The following SLCO3A1 variants were observed in gnomAD, a reference collection of about 807,000 sequenced individuals.
SLCO3A1 encodes the protein solute carrier organic anion transporter family member 3A1, also known as PGE1 transporter.
A neutral mutation model predicts 63.1 loss-of-function variants in SLCO3A1; 27 were observed. That is an observed-to-expected ratio of 0.43 (90% confidence interval 0.32 to 0.59). The LOEUF is 0.59. Ranked by LOEUF, SLCO3A1 falls within the 20% of genes least tolerant of loss-of-function variation. SLCO3A1 has a pLI of 0.09. For missense variants in SLCO3A1, 773 were observed against 945.8 expected (o/e 0.82, Z 2.40); for synonymous variants, 473 against 409.9 (o/e 1.15, Z -1.86).
chr15:92,131,515 C>T (rs911942888), intron 7 of SLCO3A1, among the ~76,000 whole-genome samples: 10 of 140,640 alleles, frequency 7.1e-5, no homozygotes, highest in African/African-American at 2.6e-4. Context: ...TAGGCAAACA[C>T]CACCACACCC....
chr15:92,099,419 C>T (rs910433360), intron 3 of SLCO3A1, among the ~76,000 whole-genome samples: 9 of 150,154 alleles, frequency 6.0e-5, no homozygotes, highest in African/African-American at 2.0e-4. Flanking sequence ...AGTTTGGCAA[C>T]ATAGGTTAAA....
chr15:91,880,126 C>T (rs1013858014), intron 1 of SLCO3A1, among the ~76,000 whole-genome samples: 2 of 115,348 alleles, frequency 1.7e-5, no homozygotes, highest in Admixed American at 8.4e-5. Context: ...TCCGTCCGTC[C>T]GTCCGTCCAT....
At chr15:92,087,784 G>T (rs1449535082) in intron 2 of SLCO3A1, among the ~76,000 whole-genome samples, 1 of 152,082 alleles carries the variant, frequency 6.6e-6, no homozygotes, top group Non-Finnish European at 1.5e-5. Context: ...CTCCCAAAGT[G>T]CTGGGATTAG....
At chr15:92,065,953 C>T (rs1178910781) in intron 2 of SLCO3A1, among the ~76,000 whole-genome samples, 1 of 152,210 alleles carries the variant, frequency 6.6e-6, no homozygotes, top group Non-Finnish European at 1.5e-5. Context: ...GGCTCAGAGG[C>T]CAGGAAGCTC....
intron 2 of SLCO3A1, among the ~76,000 whole-genome samples, chr15:91,998,679 A>G (rs961253063): frequency 2.6e-5 from 4 of 152,234 alleles, no homozygotes; most frequent in African/African-American, 9.6e-5. Context: ...GAATGCTTAT[A>G]CACTGTTGCT....
chr15:92,162,013 G>A (rs1355151253), intron 9 of SLCO3A1: 1 of 151,698 alleles, frequency 6.6e-6, no homozygotes, highest in Non-Finnish European at 1.5e-5. Flanking sequence ...AACTAAGAAT[G>A]TTTCTCTTCA....
chr15:92,112,241 C>T (rs369766255), intron 4 of SLCO3A1, among the ~76,000 whole-genome samples: 5 of 152,208 alleles, frequency 3.3e-5, no homozygotes, highest in South Asian at 2.1e-4. Context: ...GGGAGCTAGA[C>T]GTCTGGTTTT....
Position 91,853,876 on chromosome 15 carries a change from AGCG to A in SLCO3A1, c.-10_-8del, listed in dbSNP as rs368016879. ...CACCCGGGGCGAGCGGGAAAGCGGC[AGCG>A]GCGGCGGCGGCGGCGGCGGCGGGGG... On this transcript the variant is annotated 5_prime_UTR_variant, in exon 1 of 10. Coordinates refer to ENST00000318445, the MANE Select transcript of SLCO3A1 (RefSeq NM_013272.4). 0.24 allele frequency: 299,353 copies of A among 1,261,436 alleles called. 33,666 individuals are homozygous for A. Among genetic ancestry groups the A allele is most frequent in the African/African-American group, 0.39 (23,762 of 60,908 alleles). 78.1% of individuals were successfully genotyped at this position (1,261,436 alleles called of 1,614,324 possible).
chr15:91,925,005 A>G (rs187105301), intron 2 of SLCO3A1, among the ~76,000 whole-genome samples: 1 of 152,222 alleles, frequency 6.6e-6, no homozygotes, highest in African/African-American at 2.4e-5. Flanking sequence ...GTGAAAGTCC[A>G]TGTGAGGGAA....
chr15:92,047,589 ATAT>A (rs1301016507), intron 2 of SLCO3A1, among the ~76,000 whole-genome samples: 425 of 9,156 alleles, frequency 0.046, 38 homozygotes, highest in Admixed American at 0.069. Flanking sequence ...TATAATATAT[ATAT>A]AATATATAAT....
At chr15:91,964,567 A>G (rs1326448282) in intron 2 of SLCO3A1, among the ~76,000 whole-genome samples, 1 of 151,984 alleles carries the variant, frequency 6.6e-6, no homozygotes, top group Non-Finnish European at 1.5e-5. Flanking sequence ...TGTCGGCATC[A>G]AGCAGGAGGA....
At position 91,916,038 on chromosome 15, in the gene SLCO3A1, G is replaced by T. The variant is rs1898643855; in HGVS notation, c.226G>T (p.Ala76Ser). Residue 76 changes from alanine to serine, a missense_variant, in exon 2 of 10, where the codon GCT becomes TCT. Physicochemically the swap from Ala to Ser is moderately conservative, Grantham distance 99. This residue lies in a region of SLCO3A1 where 565 missense variants were observed against 749.8 expected (regional missense o/e 0.75). Transcript: ENST00000318445. The surrounding 1 kb of genome is among the most constrained non-coding windows in gnomAD (Gnocchi z 6.2). ...GGAGCGTAGGTTCAACCTGCAGAGC[G>T]CTGACGTGGGTGTGATCGCTAGCAG... ...TLERRFNLQS[A>S]DVGVIASSFE... The T allele has an allele frequency of 6.2e-7, 1 of 1,613,452 alleles. No individual in the cohort carries two copies. The highest frequency in any genetic ancestry group is 8.5e-7 in the Non-Finnish European group (1 of 1,179,996).
intron 2 of SLCO3A1, among the ~76,000 whole-genome samples, chr15:91,971,412 C>CAAAAAAAAAAAAAAAAAAAAAAAAAAA (rs1193750050): frequency 4.6e-5 from 2 of 43,230 alleles, no homozygotes; most frequent in South Asian, 8.9e-4. Context: ...AAAAAAAAAG[C>CAAAAAAAAAAAAAAAAAAAAAAAAAAA]AACCTCTTCC....
At chr15:91,926,596 T>TGTGTGTGTGTGTGCGCGCGCGCGCGC in intron 2 of SLCO3A1, among the ~76,000 whole-genome samples, 10 of 105,246 alleles carry the variant, frequency 9.5e-5, no homozygotes, top group African/African-American at 3.3e-4. Context: ...TGTGTGTGTG[T>TGTGTGTGTGTGTGCGCGCGCGCGCGC]GCGCGCGCGC....
chr15:91,915,509 G>C (rs1283032811), intron 1 of SLCO3A1, among the ~76,000 whole-genome samples: 1 of 152,170 alleles, frequency 6.6e-6, no homozygotes, highest in Non-Finnish European at 1.5e-5. Flanking sequence ...GTTTTGTTAA[G>C]TTTGTTTTTA....
chr15:91,859,669 A>G lies in SLCO3A1; in HGVS notation c.180+5581A>G, dbSNP rs1332532127. Among the ~76,000 whole-genome samples the G allele has an allele frequency of 2.0e-5, 3 of 152,176 alleles. No homozygotes were observed. The highest frequency in any genetic ancestry group is 4.8e-5 in the African/African-American group (2 of 41,442). On this transcript the variant is annotated intron_variant, in intron 1 of 9. Coordinates refer to ENST00000318445, the MANE Select transcript of SLCO3A1 (RefSeq NM_013272.4). The surrounding 1 kb of genome is among the most constrained non-coding windows in gnomAD (Gnocchi z 5.1). Reference sequence around the variant, plus strand: ...GTGTACCTCAATTTTTCATTTTATAACTGGGGTTATAATAGTACCTACCCT... The same window carrying G: ...GTGTACCTCAATTTTTCATTTTATAGCTGGGGTTATAATAGTACCTACCCT...
chr15:92,067,350 C>T lies in SLCO3A1; in HGVS notation c.647-27531C>T, dbSNP rs577088017. 6.2e-4 allele frequency among the ~76,000 whole-genome samples: 94 copies of T among 152,348 alleles called. 1 individual carries two copies. Among genetic ancestry groups the T allele is most frequent in the African/African-American group, 2.2e-3 (92 of 41,588 alleles). On this transcript the variant is annotated intron_variant, in intron 2 of 9. Coordinates refer to ENST00000318445, the MANE Select transcript of SLCO3A1 (RefSeq NM_013272.4). ...GTGTGGTTTCTTCAGCCTGGGCTGC[C>T]TTGCCCTCACCTCAGCCCTCACGTA...
intron 3 of SLCO3A1, 78 bp from the exon 4 acceptor site, chr15:92,104,192 CTCTGTTCAG>C: frequency 6.8e-7 from 1 of 1,478,436 alleles, no homozygotes; most frequent in Non-Finnish European, 9.2e-7. Context: ...CCCTTGCCCT[CTCTGTTCAG>C]CGGATTCAGA....
At chr15:92,151,542 A>G (rs2048305939) in intron 9 of SLCO3A1, among the ~76,000 whole-genome samples, 1 of 152,108 alleles carries the variant, frequency 6.6e-6, no homozygotes, top group South Asian at 2.1e-4. Flanking sequence ...GAAGGAAGAA[A>G]GTCTGACCCT....
Sources: gnomAD v4.1 joint callset for allele counts (sites outside exome capture counted in the v4.1 genomes callset) on GRCh38, gnomAD v4.1.1 for gene constraint, gnomAD v4.1.1 regional missense constraint, Gnocchi (gnomAD v3.1) non-coding constraint, MANE v1.5 for transcripts, NCBI Gene and HGNC (gene_info 2026-07-23, HGNC 2026-07-21) for gene names.